Variants in GRHL2 observed in about 807,000 individuals in gnomAD.
GRHL2 encodes grainyhead like transcription factor 2, also known as grainyhead-like protein 2 homolog.
GRHL2 carries 21 observed loss-of-function variants against 83.8 expected under a neutral mutation model. The ratio of observed to expected loss-of-function variants is 0.25; its 90% CI spans 0.18 to 0.36. GRHL2 has a LOEUF of 0.36. Ranked by LOEUF, GRHL2 falls within the 10% of genes least tolerant of loss-of-function variation. GRHL2 has a pLI of 1.00. For synonymous variants in GRHL2, 280 were observed against 278.9 expected, an observed-to-expected ratio of 1.00 and a Z score of -0.04; for missense variants, 623 against 781.8, an observed-to-expected ratio of 0.80 and a Z score of 2.42.
chr8:101,599,232 C>T, intron 8 of GRHL2, 81 bp downstream of exon 8: 1 of 897,086 alleles, frequency 1.1e-6, no homozygotes, highest in Non-Finnish European at 1.8e-6. Flanking sequence ...AAGCCTGTAT[C>T]AGTAGCCTCC....
chr8:101,618,014 T>A lies in GRHL2; in HGVS notation c.1099-1525T>A, dbSNP rs538652470. Among the ~76,000 whole-genome samples, 7 of 152,310 alleles carry A rather than the reference T, an allele frequency of 4.6e-5. No individual in the cohort carries two copies. In the East Asian group the frequency reaches 1.4e-3, roughly 29 times the overall value. On this transcript the variant is annotated intron_variant, in intron 8 of 15. Coordinates refer to ENST00000646743, the MANE Select transcript of GRHL2 (RefSeq NM_024915.4). ...TTTACAATTTTAAAGCAATGAATAG[T>A]TTAACATTTTATTTTAAATAAAAAG...
chr8:101,542,881 A>G, intron 1 of GRHL2: 1 of 459,846 alleles, frequency 2.2e-6, no homozygotes, highest in Non-Finnish European at 4.4e-6. Flanking sequence ...AATGGCATTG[A>G]TCCATTCATG....
At chr8:101,618,199 A>G (rs1008178671) in intron 8 of GRHL2, among the ~76,000 whole-genome samples, 28 of 152,294 alleles carry the variant, frequency 1.8e-4, no homozygotes, top group Admixed American at 1.7e-3. Flanking sequence ...AATGGTATCA[A>G]TGGACTGCCA....
rs368168495 is a variant in GRHL2 at position 101,540,353 on chromosome 8, A to C, written c.21-2888A>C. 1.6e-4 allele frequency among the ~76,000 whole-genome samples: 25 copies of C among 152,342 alleles called. No homozygotes were observed. The South Asian group carries it at 5.2e-3, about 32-fold the overall frequency. ...ACAAATACTTACTTCTAAGGCCTAT[A>C]CTACTTCATGTCACCACAGTGCCTA... On this transcript the variant is annotated intron_variant, in intron 1 of 15. Transcript: ENST00000646743.
chr8:101,563,710 TTTTTTTTTTG>T (rs1203570214), intron 4 of GRHL2, among the ~76,000 whole-genome samples: 7 of 110,012 alleles, frequency 6.4e-5, no homozygotes, highest in East Asian at 7.5e-4. Context: ...AGCAAACTTA[TTTTTTTTTTG>T]TTTTTTTTTG....
At chr8:101,514,501 T>A (rs955847923) in intron 1 of GRHL2, among the ~76,000 whole-genome samples, 1 of 152,140 alleles carries the variant, frequency 6.6e-6, no homozygotes, top group Non-Finnish European at 1.5e-5. Context: ...CTAAGAAAGC[T>A]TCCTCAAAGC....
In GRHL2 at chr8:101,669,110, T is replaced by C. The variant is rs1415851954; in HGVS notation, c.*2407T>C. 6.6e-6 allele frequency: 1 copy of C among 152,148 alleles called. No homozygotes were observed. Among genetic ancestry groups the C allele is most frequent in the Non-Finnish European group, 1.5e-5 (1 of 68,036 alleles). The allele number at this position is 152,148 out of a possible 1,614,324, so 9.4% of individuals were successfully genotyped here. Reference sequence around the variant, plus strand: ...TGTCCGCTGTGTATGTTAGCTGAACTTTGATGAGCAAAATTTCCTGAGCGA... The same window carrying C: ...TGTCCGCTGTGTATGTTAGCTGAACCTTGATGAGCAAAATTTCCTGAGCGA... On this transcript the variant is annotated 3_prime_UTR_variant, in exon 16 of 16. Coordinates refer to ENST00000646743, the MANE Select transcript of GRHL2 (RefSeq NM_024915.4).
At chr8:101,535,232 A>G (rs1405314504) in intron 1 of GRHL2, among the ~76,000 whole-genome samples, 1 of 152,178 alleles carries the variant, frequency 6.6e-6, no homozygotes, top group Non-Finnish European at 1.5e-5. Context: ...GACACACTTT[A>G]GATGTAAGAG....
chr8:101,497,970 AAT>A (rs1170068332), intron 1 of GRHL2, among the ~76,000 whole-genome samples: 1 of 152,118 alleles, frequency 6.6e-6, no homozygotes, highest in Non-Finnish European at 1.5e-5. Context: ...TTTGAAGGGG[AAT>A]ATGTTTCCAG....
intron 8 of GRHL2, among the ~76,000 whole-genome samples, chr8:101,600,493 C>G (rs532146426): frequency 6.6e-6 from 1 of 152,332 alleles, no homozygotes; most frequent in Admixed American, 6.5e-5. Context: ...TTCCCACATC[C>G]CTGCCTAGTG....
chr8:101,509,157 C>CCTTTCTTTCTTT (rs58806449), intron 1 of GRHL2, among the ~76,000 whole-genome samples: 25 of 27,398 alleles, frequency 9.1e-4, no homozygotes, highest in Non-Finnish European at 2.0e-3. Context: ...TTCCTTCCTT[C>CCTTTCTTTCTTT]CTTTCTTTCT....
At chr8:101,652,937 C>G (rs1393258836) in intron 14 of GRHL2, among the ~76,000 whole-genome samples, 1 of 152,112 alleles carries the variant, frequency 6.6e-6, no homozygotes, top group East Asian at 1.9e-4. Flanking sequence ...TGCTCCTTTT[C>G]TACTGTCCAA....
At chr8:101,644,276 T>C (rs1813464810) in intron 13 of GRHL2, 51 bp downstream of exon 13, 1 of 1,449,768 alleles carries the variant, frequency 6.9e-7, no homozygotes, top group African/African-American at 1.4e-5. Context: ...GGGGTGTCTC[T>C]CCCAAGAAGA....
intron 14 of GRHL2, among the ~76,000 whole-genome samples, chr8:101,658,818 C>CA (rs1445381080): frequency 4.6e-5 from 7 of 151,544 alleles, no homozygotes; most frequent in Non-Finnish European, 7.4e-5. Context: ...AACCAAAGTT[C>CA]AAAAAAAACC....
chr8:101,529,245 C>T, intron 1 of GRHL2: 1 of 215,982 alleles, frequency 4.6e-6, no homozygotes. Context: ...CCAGCCTGGC[C>T]AACATAGTGA....
At chr8:101,525,852 C>T (rs1810792591) in intron 1 of GRHL2, among the ~76,000 whole-genome samples, 1 of 152,148 alleles carries the variant, frequency 6.6e-6, no homozygotes, top group South Asian at 2.1e-4. Context: ...TGTCTGTAAT[C>T]CCAGCTACTC....
Position 101,667,108 on chromosome 8 carries a change from T to TATC in GRHL2, c.*406_*408dup, listed in dbSNP as rs1814084472. 3.5e-6 allele frequency: 1 copy of TATC among 283,140 alleles called. No homozygotes were observed. Among genetic ancestry groups the TATC allele is most frequent in the Non-Finnish European group, 6.9e-6 (1 of 144,030 alleles). 17.5% of individuals were successfully genotyped at this position (283,140 alleles called of 1,614,324 possible). On this transcript the variant is annotated 3_prime_UTR_variant, in exon 16 of 16. Coordinates refer to ENST00000646743, the MANE Select transcript of GRHL2 (RefSeq NM_024915.4). ...CCATCCCTTCTCTCTCACCCCTCCATATCTATCTCCCGAGTGGCTGGACAA... is the reference window on the plus strand; with the variant it reads ...CCATCCCTTCTCTCTCACCCCTCCATATCATCTATCTCCCGAGTGGCTGGACAA...
At chr8:101,519,272 C>T (rs1810634569) in intron 1 of GRHL2, among the ~76,000 whole-genome samples, 1 of 152,024 alleles carries the variant, frequency 6.6e-6, no homozygotes, top group Non-Finnish European at 1.5e-5. Flanking sequence ...ATCCTCCCGC[C>T]TTGGCTTCCC....
intron 14 of GRHL2, among the ~76,000 whole-genome samples, chr8:101,650,190 G>C (rs563431962): frequency 6.6e-6 from 1 of 152,170 alleles, no homozygotes; most frequent in African/African-American, 2.4e-5. Context: ...GTTCAAAATT[G>C]TTGGTTGGTT....
Sources: gnomAD v4.1 joint callset for allele counts (sites outside exome capture counted in the v4.1 genomes callset) on GRCh38, gnomAD v4.1.1 for gene constraint, MANE v1.5 for transcripts, NCBI Gene and HGNC (gene_info 2026-07-23, HGNC 2026-07-21) for gene names.